KMT2A: variants seen among roughly 807,000 people sequenced by gnomAD.
KMT2A encodes the protein histone-lysine N-methyltransferase 2A.
Under a neutral mutation model 345.3 loss-of-function variants are expected in KMT2A, and 16 were observed. The ratio of observed to expected loss-of-function variants is 0.05; its 90% CI spans 0.03 to 0.07. The LOEUF (loss-of-function observed/expected upper bound fraction) is 0.07, where lower values mean the gene tolerates loss of function less well. Ranked by LOEUF, KMT2A falls within the 10% of genes least tolerant of loss-of-function variation. KMT2A has a pLI of 1.00. For synonymous variants in KMT2A, 1,599 were observed against 1,778.6 expected (o/e 0.90, Z 2.54); for missense variants, 3,272 against 4,841.6 (o/e 0.68, Z 9.62).
In KMT2A at chr11:118,490,117, C is replaced by T. The variant is rs2134334276; in HGVS notation, c.4576-12C>T. On this transcript the variant is annotated splice_polypyrimidine_tract_variant and intron_variant, in intron 12 of 35. Coordinates refer to ENST00000534358, the MANE Select transcript of KMT2A (RefSeq NM_001197104.2). This position sits in a 1 kb window ranked among gnomAD's most constrained non-coding sequence, Gnocchi z 4.2. ...AAGAAATTCCTATTGAATTTCTTTTCTTCTTTTCTAGATCTGTACCAAGTG... is the reference window on the plus strand; with the variant it reads ...AAGAAATTCCTATTGAATTTCTTTTTTTCTTTTCTAGATCTGTACCAAGTG... 6.3e-7 allele frequency: 1 copy of T among 1,599,276 alleles called. No individual in the cohort carries two copies. Among genetic ancestry groups the T allele is most frequent in the South Asian group, 1.1e-5 (1 of 87,274 alleles).
In KMT2A at chr11:118,502,672, G is replaced by A. The variant is rs2134385918; in HGVS notation, c.6780G>A (p.Gly2260=). The A allele has an allele frequency of 2.5e-6, 4 of 1,614,078 alleles. No individual in the cohort carries two copies. Among genetic ancestry groups the A allele is most frequent in the Non-Finnish European group, 3.4e-6 (4 of 1,180,020 alleles). The change falls in exon 27 of 36, where the codon GGG becomes GGA. Residue 2260 remains glycine, a synonymous_variant. Coordinates refer to ENST00000534358, the MANE Select transcript of KMT2A (RefSeq NM_001197104.2). This position sits in a 1 kb window ranked among gnomAD's most constrained non-coding sequence, Gnocchi z 4.9. ...CACTGAATTCAAGTACTAGTTTAGG[G>A]CAAAACACTTCCACCTCTTCAAATT... ...LGPLNSSTSL[G]QNTSTSSNLQ...
At chr11:118,463,057 A>G (rs1046766863) in intron 1 of KMT2A, among the ~76,000 whole-genome samples, 4 of 152,182 alleles carry the variant, frequency 2.6e-5, no homozygotes, top group African/African-American at 9.7e-5. Context: ...AGTTTGAAAT[A>G]TATAAAAATG....
rs781903029 is a variant in KMT2A at position 118,505,439 on chromosome 11, C to A, written c.9547C>A (p.Pro3183Thr). ...TAGTTTCCCACCAAACATCAGCAAT[C>A]CTCCTTCAGGCCTGCTTATTGGGGT... ...QSSFPPNISNPPSGLLIGVQP... is the reference protein window; with the variant it reads ...QSSFPPNISNTPSGLLIGVQP... Residue 3183 changes from proline to threonine, a missense_variant, in exon 27 of 36, where the codon CCT (proline) becomes ACT (threonine). This residue lies in a region of KMT2A where 748 missense variants were observed against 922.2 expected (regional missense o/e 0.81). Transcript: ENST00000534358. The surrounding 1 kb of genome is among the most constrained non-coding windows in gnomAD (Gnocchi z 4.6). 2 of 1,614,212 alleles carry A rather than the reference C, an allele frequency of 1.2e-6. No homozygotes were observed. Among genetic ancestry groups the A allele is most frequent in the Non-Finnish European group, 8.5e-7 (1 of 1,180,026 alleles).
At chr11:118,511,889 G>T in intron 30 of KMT2A, 62 bp from the exon 31 acceptor site, 1 of 1,231,104 alleles carries the variant, frequency 8.1e-7, no homozygotes, top group South Asian at 1.2e-5. Context: ...GCACATCATT[G>T]GTATTAAGAA....
chr11:118,508,256 ATAATAC>A (rs1950623158), intron 28 of KMT2A, among the ~76,000 whole-genome samples: 1 of 152,240 alleles, frequency 6.6e-6, no homozygotes, highest in South Asian at 2.1e-4. Flanking sequence ...CATAAAAGGA[ATAATAC>A]TGTACATACT....
chr11:118,514,012 T>A (rs1167531166), intron 31 of KMT2A, among the ~76,000 whole-genome samples: 2 of 147,606 alleles, frequency 1.4e-5, no homozygotes, highest in Non-Finnish European at 3.0e-5. Flanking sequence ...CCCAAAAATA[T>A]AAGTCACATC....
Position 118,505,046 on chromosome 11 carries a change from A to G in KMT2A, c.9154A>G (p.Asn3052Asp), listed in dbSNP as rs782079486. ...VPIQNQKYVPNSTDSPGPSQI... is the reference protein window; with the variant it reads ...VPIQNQKYVPDSTDSPGPSQI... Reference sequence around the variant, plus strand: ...CATCCAGAACCAGAAGTATGTGCCCAATTCTACTGATAGTCCTGGCCCGTC... The same window carrying G: ...CATCCAGAACCAGAAGTATGTGCCCGATTCTACTGATAGTCCTGGCCCGTC... The change falls in exon 27 of 36, where the codon AAT (asparagine) becomes GAT (aspartate). Residue 3052 changes from asparagine to aspartate, a missense_variant. Physicochemically the swap from Asn to Asp is conservative, Grantham distance 23 (BLOSUM62 1). Around this residue, in one of 27 missense-constraint regions of KMT2A, gnomAD observed 748 missense variants for 922.2 expected, o/e 0.81. Coordinates refer to ENST00000534358, the MANE Select transcript of KMT2A (RefSeq NM_001197104.2). This position sits in a 1 kb window ranked among gnomAD's most constrained non-coding sequence, Gnocchi z 4.6. 4.3e-6 allele frequency: 7 copies of G among 1,614,106 alleles called. No homozygotes were observed. Among genetic ancestry groups the G allele is most frequent in the Non-Finnish European group, 4.2e-6 (5 of 1,180,022 alleles).
At position 118,473,793 on chromosome 11, in the gene KMT2A, G is replaced by C; in HGVS notation, c.2634G>C (p.Arg878=). The stretch of plus-strand genomic sequence containing the variant: ...AGGACAAGAGTAGAGAGAGAGACCG[G>C]GAGAGAGAAAAGGAGAATAAGCGGG... ...VEKDKSRERD[R]EREKENKRES... is the part of the protein sequence containing the mutation. The change falls in exon 3 of 36, where the codon CGG becomes CGC. Residue 878 remains arginine, a synonymous_variant. Coordinates refer to ENST00000534358, the MANE Select transcript of KMT2A (RefSeq NM_001197104.2). The surrounding 1 kb of genome is among the most constrained non-coding windows in gnomAD (Gnocchi z 5.2). The C allele has an allele frequency of 6.2e-7, 1 of 1,613,962 alleles. No individual in the cohort carries two copies. The highest frequency in any genetic ancestry group is 1.3e-5 in the African/African-American group (1 of 75,006).
chr11:118,454,646 T>C (rs782320025), intron 1 of KMT2A, among the ~76,000 whole-genome samples: 3 of 152,200 alleles, frequency 2.0e-5, no homozygotes, highest in Non-Finnish European at 4.4e-5. Flanking sequence ...AAGTCAAAGA[T>C]ACGTTTAATA....
chr11:118,497,640 C>G lies in KMT2A; in HGVS notation c.5665-296C>G, dbSNP rs2134361673. Among the ~76,000 whole-genome samples the G allele has an allele frequency of 6.6e-6, 1 of 152,312 alleles. No individual in the cohort carries two copies. The highest frequency in any genetic ancestry group is 1.5e-5 in the Non-Finnish European group (1 of 68,024). On this transcript the variant is annotated intron_variant, in intron 20 of 35. Transcript: ENST00000534358. The surrounding 1 kb of genome is among the most constrained non-coding windows in gnomAD (Gnocchi z 4.8). ...CTCAAACTCTTGGGCTCAAGCGATC[C>G]TACCACTTCAGCCTCCAAAAGTGCT...
At position 118,525,777 on chromosome 11, in the gene KMT2A, T is replaced by A. The variant is rs931988450; in HGVS notation, c.*3605T>A. On this transcript the variant is annotated 3_prime_UTR_variant, in exon 36 of 36. Transcript: ENST00000534358. The stretch of plus-strand genomic sequence containing the variant: ...AGTTCGGTTTGGGATTTTTTTTTTT[T>A]AATAGAAATCAAGTTGTTTTTGTTT... 9 of 223,958 alleles carry A rather than the reference T, an allele frequency of 4.0e-5. No homozygotes were observed. Among genetic ancestry groups the A allele is most frequent in the African/African-American group, 1.6e-4 (7 of 44,736 alleles). The allele number at this position is 223,958 out of a possible 1,614,324, so 13.9% of individuals were successfully genotyped here.
Position 118,524,012 on chromosome 11 carries a change from A to G in KMT2A, c.*1840A>G, listed in dbSNP as rs1555054595. On this transcript the variant is annotated 3_prime_UTR_variant, in exon 36 of 36. Coordinates refer to ENST00000534358, the MANE Select transcript of KMT2A (RefSeq NM_001197104.2). ...ACTTCCAGAGTGGTGGGAGACGGCA[A>G]TCTTTACATTTCCCTCATCTTTCTT... 1 of 200,474 alleles carries G rather than the reference A, an allele frequency of 5.0e-6. No individual in the cohort carries two copies. 12.4% of individuals were successfully genotyped at this position (200,474 alleles called of 1,614,324 possible).
chr11:118,472,671 C>G lies in KMT2A; in HGVS notation c.1512C>G (p.Ser504Arg). The G allele has an allele frequency of 6.2e-7, 1 of 1,612,914 alleles. No homozygotes were observed. Among genetic ancestry groups the G allele is most frequent in the Non-Finnish European group, 8.5e-7 (1 of 1,179,814 alleles). The part of the protein sequence containing the change: ...EEIQVLPEER[S>R]DTPEVHPPLP... Reference sequence around the variant, plus strand: ...TTCAGGTACTTCCTGAGGAGCGGAGCGATACCCCTGAAGTTCATCCTCCAC... The same window carrying G: ...TTCAGGTACTTCCTGAGGAGCGGAGGGATACCCCTGAAGTTCATCCTCCAC... The change falls in exon 3 of 36, where the codon AGC becomes AGG. Residue 504 changes from serine (S) to arginine (R), a missense_variant. By Grantham distance (110) the Ser-to-Arg change is moderately radical (BLOSUM62 -1). Around this residue, in one of 27 missense-constraint regions of KMT2A, gnomAD observed 180 missense variants for 190.7 expected, o/e 0.94. Transcript: ENST00000534358.
At chr11:118,438,453 C>G (rs1949245202) in intron 1 of KMT2A, among the ~76,000 whole-genome samples, 1 of 121,924 alleles carries the variant, frequency 8.2e-6, no homozygotes, top group Non-Finnish European at 1.6e-5. Flanking sequence ...GGGAGGATGG[C>G]ATGGGGGATG....
rs1555053797 is a variant in KMT2A at position 118,522,181 on chromosome 11, T to C, written c.*9T>C. ...GGAAGTTCCTAAACTAAAGCTGCTC[T>C]TCTCCCCCAGTGTTGGAGTGCAAGG... is the stretch of plus-strand genomic sequence containing the variant. On this transcript the variant is annotated 3_prime_UTR_variant, in exon 36 of 36. Coordinates refer to ENST00000534358, the MANE Select transcript of KMT2A (RefSeq NM_001197104.2). This position sits in a 1 kb window ranked among gnomAD's most constrained non-coding sequence, Gnocchi z 5.4. 10 of 1,613,082 alleles carry C rather than the reference T, an allele frequency of 6.2e-6. No individual in the cohort carries two copies.
At chr11:118,466,302 C>G (rs1949842779) in intron 1 of KMT2A, among the ~76,000 whole-genome samples, 1 of 152,048 alleles carries the variant, frequency 6.6e-6, no homozygotes. Context: ...TGCAGTACAG[C>G]CTGAGTGACA....
rs1950415706 is a variant in KMT2A, at chr11:118,496,772, T to C, written c.5664+405T>C. The stretch of plus-strand genomic sequence containing the variant: ...GAGTTCTGCCGCCTGCCTGAATACA[T>C]TTCTGTGCTTAACTGCCTACTTATT... On this transcript the variant is annotated intron_variant, in intron 20 of 35. Coordinates refer to ENST00000534358, the MANE Select transcript of KMT2A (RefSeq NM_001197104.2). The surrounding 1 kb of genome is among the most constrained non-coding windows in gnomAD (Gnocchi z 4.7). Among the ~76,000 whole-genome samples the C allele has an allele frequency of 1.3e-5, 2 of 152,140 alleles. No individual in the cohort carries two copies. The highest frequency in any genetic ancestry group is 2.9e-5 in the Non-Finnish European group (2 of 68,046).
chr11:118,494,746 A>C lies in KMT2A; in HGVS notation c.5342A>C (p.Glu1781Ala). ...WFSVKKSRFW[E>A]PNKVSSNSGM... is the part of the protein sequence containing the mutation. ...AGTGTCAAAAAGTCCAGGTTTTGGG[A>C]GCCAAATAAAGTATCAAGCAAGTAA... Residue 1781 changes from glutamate (E) to alanine (A), a missense_variant, in exon 18 of 36, where the codon GAG (glutamate) becomes GCG (alanine). This residue lies in a region of KMT2A where 235 missense variants were observed against 503.4 expected (regional missense o/e 0.47). Transcript: ENST00000534358. This position sits in a 1 kb window ranked among gnomAD's most constrained non-coding sequence, Gnocchi z 5.8. 6.2e-7 allele frequency: 1 copy of C among 1,613,838 alleles called. No homozygotes were observed. The highest frequency in any genetic ancestry group is 8.5e-7 in the Non-Finnish European group (1 of 1,179,792).
Position 118,491,084 on chromosome 11 carries a change from C to T in KMT2A, c.4697-112C>T, listed in dbSNP as rs1555042300. Reference sequence around the variant, plus strand: ...TCCACAGTAGATCCATGCTGGTGTTCATGATCCCAGAAGAATATAGATTTA... The same window carrying T: ...TCCACAGTAGATCCATGCTGGTGTTTATGATCCCAGAAGAATATAGATTTA... On this transcript the variant is annotated intron_variant, in intron 13 of 35. Transcript: ENST00000534358. The surrounding 1 kb of genome is among the most constrained non-coding windows in gnomAD (Gnocchi z 4.2). 4 of 1,082,522 alleles carry T rather than the reference C, an allele frequency of 3.7e-6. No homozygotes were observed. In the African/African-American group the frequency reaches 6.4e-5, roughly 17 times the overall value. The allele number at this position is 1,082,522 out of a possible 1,614,324, so 67.1% of individuals were successfully genotyped here. A position where few individuals can be genotyped will look rare whatever the true frequency, so the allele number is the denominator to read the frequency against.
Sources: allele counts gnomAD v4.1 joint callset (sites outside exome capture counted in the v4.1 genomes callset), GRCh38; gene constraint gnomAD v4.1.1; regional missense constraint gnomAD v4.1.1; non-coding constraint Gnocchi (gnomAD v3.1); transcripts MANE v1.5; gene names NCBI Gene and HGNC (gene_info 2026-07-23, HGNC 2026-07-21).